The following CMTM8 variants were observed in gnomAD, a reference collection of about 807,000 sequenced individuals.
CMTM8 encodes the protein CKLF like MARVEL transmembrane domain containing 8.
Under a neutral mutation model 18.6 loss-of-function variants are expected in CMTM8, and 12 were observed. The observed-to-expected ratio is 0.65, with a 90% CI of 0.41 to 1.05. The LOEUF (loss-of-function observed/expected upper bound fraction) is 1.05. Ranked by LOEUF, CMTM8 falls within the 50% of genes least tolerant of loss-of-function variation. The pLI is 0.00. For synonymous variants in CMTM8, 87 were observed against 90.6 expected (o/e 0.96, Z 0.23); for missense variants, 217 against 227.2 (o/e 0.95, Z 0.29).
intron 1 of CMTM8, among the ~76,000 whole-genome samples, chr3:32,346,062 G>A (rs868082265): frequency 2.0e-5 from 3 of 152,162 alleles, no homozygotes; most frequent in Non-Finnish European, 4.4e-5. Context: ...GCCGAGGCAG[G>A]AGAATTGCTT....
At chr3:32,333,420 T>A (rs1459420104) in intron 1 of CMTM8, among the ~76,000 whole-genome samples, 1 of 152,168 alleles carries the variant, frequency 6.6e-6, no homozygotes, top group Non-Finnish European at 1.5e-5. Context: ...AATGCAGATC[T>A]TAGGCCTCAT....
intron 2 of CMTM8, 108 bp from the exon 3 acceptor site, chr3:32,367,764 C>A: frequency 2.9e-6 from 2 of 692,728 alleles, no homozygotes; most frequent in Admixed American, 2.1e-5. Flanking sequence ...CACAGGTGTC[C>A]ACTTGGGCCC....
At chr3:32,327,018 T>G (rs1203350219) in intron 1 of CMTM8, among the ~76,000 whole-genome samples, 1 of 152,134 alleles carries the variant, frequency 6.6e-6, no homozygotes, top group Non-Finnish European at 1.5e-5. Flanking sequence ...AGGAGCTATG[T>G]CGTCTTTCTT....
intron 1 of CMTM8, among the ~76,000 whole-genome samples, chr3:32,276,103 A>G (rs909240540): frequency 1.4e-4 from 21 of 152,180 alleles, no homozygotes; most frequent in Middle Eastern, 3.2e-3. Flanking sequence ...AATGACGGGT[A>G]CAGAGGCTTT....
intron 1 of CMTM8, among the ~76,000 whole-genome samples, chr3:32,292,885 G>A (rs1015634498): frequency 2.0e-5 from 3 of 152,120 alleles, no homozygotes; most frequent in Non-Finnish European, 4.4e-5. Flanking sequence ...AGGCAAATGC[G>A]AACGTGCATT....
At chr3:32,301,732 C>CAA (rs377120596) in intron 1 of CMTM8, among the ~76,000 whole-genome samples, 3 of 103,370 alleles carry the variant, frequency 2.9e-5, no homozygotes, top group Non-Finnish European at 4.1e-5. Flanking sequence ...TGATATGAAA[C>CAA]AAAAAAAAAA....
chr3:32,334,570 C>T (rs1696349360), intron 1 of CMTM8, among the ~76,000 whole-genome samples: 1 of 151,544 alleles, frequency 6.6e-6, no homozygotes, highest in Non-Finnish European at 1.5e-5. Flanking sequence ...CGCACCACTG[C>T]ACTCCAGCCT....
intron 1 of CMTM8, chr3:32,260,291 T>TG (rs2125536922): frequency 1.6e-5 from 13 of 796,970 alleles, no homozygotes; most frequent in Admixed American, 2.2e-5. Context: ...CAGAGGTCAT[T>TG]GGAAAAAAAA....
chr3:32,255,551 A>G (rs1702165033), intron 1 of CMTM8, among the ~76,000 whole-genome samples: 1 of 151,782 alleles, frequency 6.6e-6, no homozygotes, highest in Non-Finnish European at 1.5e-5. Context: ...TTGATTTTTC[A>G]TTTTGCTGGA....
At chr3:32,251,314 A>C (rs1702107339) in intron 1 of CMTM8, among the ~76,000 whole-genome samples, 2 of 152,012 alleles carry the variant, frequency 1.3e-5, no homozygotes, top group Admixed American at 6.6e-5. Context: ...ATTTTTAATT[A>C]ATTCATTCAT....
intron 1 of CMTM8, among the ~76,000 whole-genome samples, chr3:32,285,874 T>G (rs528400075): frequency 6.6e-6 from 1 of 152,354 alleles, no homozygotes; most frequent in East Asian, 1.9e-4. Flanking sequence ...CACTGCTAAA[T>G]TCTCTGTCTC....
intron 1 of CMTM8, chr3:32,259,178 G>A: frequency 2.2e-6 from 1 of 462,532 alleles, no homozygotes; most frequent in South Asian, 1.9e-5. Context: ...GAAATGGGAG[G>A]CATCCAGAGC....
rs528492222 is a variant in CMTM8 at position 32,304,731 on chromosome 3, A to G, written c.148-52642A>G. On this transcript the variant is annotated intron_variant, in intron 1 of 3. Coordinates refer to ENST00000307526, the MANE Select transcript of CMTM8 (RefSeq NM_178868.5). ...GGCAGAATTCTTTCAGCTTGGTTAC[A>G]TGTTGGTTTTTCATGTTCCAGTTAA... is the stretch of plus-strand genomic sequence containing the variant. Among the ~76,000 whole-genome samples the G allele has an allele frequency of 3.3e-5, 5 of 152,356 alleles. No individual in the cohort carries two copies. The South Asian group carries it at 6.2e-4, about 19-fold the overall frequency.
At chr3:32,327,685 G>A (rs960794697) in intron 1 of CMTM8, among the ~76,000 whole-genome samples, 20 of 152,208 alleles carry the variant, frequency 1.3e-4, no homozygotes, top group Admixed American at 1.2e-3. Context: ...AGTATTTAAT[G>A]TAGGTAGAAA....
rs762787157 is a variant in CMTM8, at chr3:32,239,027, T to G, written c.55T>G (p.Phe19Val). ...CACAGTCACCACCACCGCCAGCTCC[T>G]TCGCAGAGAACTTCTCCACCAGCAG... ...SHTVTTTASS[F>V]AENFSTSSSS... The change falls in exon 1 of 4, where the codon TTC (phenylalanine) becomes GTC (valine). Residue 19 changes from phenylalanine to valine, a missense_variant. By Grantham distance (50) the Phe-to-Val change is conservative. Coordinates refer to ENST00000307526, the MANE Select transcript of CMTM8 (RefSeq NM_178868.5). 1.9e-6 allele frequency: 3 copies of G among 1,575,656 alleles called. No homozygotes were observed. The highest frequency in any genetic ancestry group is 2.6e-6 in the Non-Finnish European group (3 of 1,161,244).
intron 1 of CMTM8, among the ~76,000 whole-genome samples, chr3:32,341,274 C>T (rs1052057370): frequency 2.6e-5 from 4 of 152,206 alleles, no homozygotes; most frequent in African/African-American, 9.6e-5. Context: ...ACTAGAATCT[C>T]CATATGCCCA....
At chr3:32,366,778 A>G (rs572228008) in intron 2 of CMTM8, among the ~76,000 whole-genome samples, 2 of 152,360 alleles carry the variant, frequency 1.3e-5, no homozygotes, top group South Asian at 4.1e-4. Context: ...AGTAAACAAA[A>G]GAACACAACC....
At chr3:32,281,107 T>C (rs1452590106) in intron 1 of CMTM8, among the ~76,000 whole-genome samples, 2 of 152,196 alleles carry the variant, frequency 1.3e-5, no homozygotes, top group Non-Finnish European at 2.9e-5. Flanking sequence ...TGAGGTTTGA[T>C]GCTCCTGTGT....
intron 1 of CMTM8, among the ~76,000 whole-genome samples, chr3:32,349,007 CCTT>C (rs146117470): frequency 0.081 from 12,344 of 151,874 alleles, 596 homozygotes; most frequent in East Asian, 0.18. Context: ...ATTTTTATGT[CCTT>C]CTTGCAACCT....
Sources: allele counts gnomAD v4.1 joint callset (sites outside exome capture counted in the v4.1 genomes callset), GRCh38; gene constraint gnomAD v4.1.1; transcripts MANE v1.5; gene names NCBI Gene and HGNC (gene_info 2026-07-23, HGNC 2026-07-21).